The following PRKCE variants were observed in gnomAD, a reference collection of about 807,000 sequenced individuals.
PRKCE encodes protein kinase C epsilon, also known as protein kinase C epsilon type.
Under a neutral mutation model 85.4 loss-of-function variants are expected in PRKCE, and 16 were observed. The observed-to-expected ratio is 0.19, with a 90% CI of 0.13 to 0.28. The LOEUF (loss-of-function observed/expected upper bound fraction) is 0.28, where lower values mean the gene tolerates loss of function less well. Ranked by LOEUF, PRKCE falls within the 10% of genes least tolerant of loss-of-function variation. The pLI is 1.00. For missense variants in PRKCE, 573 were observed against 975.2 expected, an observed-to-expected ratio of 0.59 and a Z score of 5.49; for synonymous variants, 388 against 371.5, an observed-to-expected ratio of 1.04 and a Z score of -0.51.
At chr2:45,883,253 A>C (rs1275117128) in intron 2 of PRKCE, among the ~76,000 whole-genome samples, 1 of 152,190 alleles carries the variant, frequency 6.6e-6, no homozygotes. Context: ...TTTTGTGGAG[A>C]TTAACTGGTC....
chr2:45,812,596 G>A (rs1033688867), intron 1 of PRKCE, among the ~76,000 whole-genome samples: 1 of 152,222 alleles, frequency 6.6e-6, no homozygotes, highest in African/African-American at 2.4e-5. Flanking sequence ...TCACAAGCTT[G>A]TGATGAGGAT....
In PRKCE at chr2:46,134,970, A is replaced by G. The variant is rs751584245; in HGVS notation, c.1593-10123A>G. On this transcript the variant is annotated intron_variant, in intron 11 of 14. Coordinates refer to ENST00000306156, the MANE Select transcript of PRKCE (RefSeq NM_005400.3). ...GGTTAAAAAAAGTAATTGGATGATCATGCAATCAGATAAGCAATTCTGTAG... is the reference window on the plus strand; with the variant it reads ...GGTTAAAAAAAGTAATTGGATGATCGTGCAATCAGATAAGCAATTCTGTAG... 2.6e-5 allele frequency among the ~76,000 whole-genome samples: 4 copies of G among 152,264 alleles called. No individual in the cohort carries two copies. The South Asian group carries it at 6.2e-4, about 24-fold the overall frequency.
At chr2:45,831,838 C>G (rs917006399) in intron 1 of PRKCE, among the ~76,000 whole-genome samples, 13 of 152,088 alleles carry the variant, frequency 8.5e-5, no homozygotes, top group African/African-American at 3.1e-4. Context: ...TTTCTTAAAA[C>G]TGAACACATC....
chr2:45,858,437 T>C (rs1355269026), intron 2 of PRKCE, among the ~76,000 whole-genome samples: 2 of 152,128 alleles, frequency 1.3e-5, no homozygotes, highest in Admixed American at 6.5e-5. Flanking sequence ...TCAATCTGTC[T>C]TTTGGACTTA....
At chr2:45,856,640 G>T (rs943075540) in intron 2 of PRKCE, among the ~76,000 whole-genome samples, 2 of 152,168 alleles carry the variant, frequency 1.3e-5, no homozygotes, top group Non-Finnish European at 2.9e-5. Context: ...AATAGAACAG[G>T]AAAACTTATT....
chr2:45,687,430 T>C (rs1558557698), intron 1 of PRKCE, among the ~76,000 whole-genome samples: 1 of 152,188 alleles, frequency 6.6e-6, no homozygotes, highest in Non-Finnish European at 1.5e-5. Context: ...AAACATTTAT[T>C]GTTGAAGGTG....
At chr2:46,133,135 C>G (rs997255569) in intron 11 of PRKCE, among the ~76,000 whole-genome samples, 10 of 152,186 alleles carry the variant, frequency 6.6e-5, no homozygotes, top group Non-Finnish European at 1.3e-4. Flanking sequence ...GGTTTTCTGG[C>G]CTTCCTGTCC....
intron 11 of PRKCE, among the ~76,000 whole-genome samples, chr2:46,112,786 C>G (rs1313932229): frequency 1.3e-5 from 2 of 152,166 alleles, no homozygotes; most frequent in African/African-American, 4.8e-5. Flanking sequence ...TCCCAAAGTG[C>G]TGGGGTTACA....
Position 46,010,361 on chromosome 2 carries a change from C to G in PRKCE, c.1281C>G (p.Leu427=), listed in dbSNP as rs141253187. The change falls in exon 10 of 15, where the codon CTC becomes CTG. Residue 427 remains leucine (L), a synonymous_variant. Transcript: ENST00000306156. ...GATTGCAGGTCATGTTGGCAGAACT[C>G]AAGGGCAAAGATGAAGTATATGCTG... ...GSFGKVMLAE[L]KGKDEVYAVK... is the part of the protein sequence containing the mutation. The G allele has an allele frequency of 6.3e-7, 1 of 1,595,460 alleles. No homozygotes were observed. Among genetic ancestry groups the G allele is most frequent in the East Asian group, 2.2e-5 (1 of 44,754 alleles).
chr2:45,800,522 A>G (rs111936002), intron 1 of PRKCE, among the ~76,000 whole-genome samples: 2,355 of 152,272 alleles, frequency 0.015, 61 homozygotes, highest in African/African-American at 0.053. Context: ...GCCAATAGGC[A>G]ATGAGAGGCC....
At chr2:45,768,946 A>G (rs552356388) in intron 1 of PRKCE, among the ~76,000 whole-genome samples, 2 of 152,324 alleles carry the variant, frequency 1.3e-5, no homozygotes, top group South Asian at 4.1e-4. Context: ...ACAGATATTT[A>G]TGGATCACCT....
chr2:45,836,739 A>C (rs1009521438), intron 1 of PRKCE, among the ~76,000 whole-genome samples: 21 of 151,804 alleles, frequency 1.4e-4, no homozygotes, highest in African/African-American at 5.1e-4. Flanking sequence ...CTCACTCTCC[A>C]CCCTCCTCCA....
intron 11 of PRKCE, among the ~76,000 whole-genome samples, chr2:46,126,077 A>G (rs1673820201): frequency 6.6e-6 from 1 of 152,200 alleles, no homozygotes; most frequent in African/African-American, 2.4e-5. Context: ...CCTGGCATCC[A>G]AGCTCTGGCA....
chr2:46,088,153 T>G (rs1457458198), intron 11 of PRKCE, among the ~76,000 whole-genome samples: 2 of 152,210 alleles, frequency 1.3e-5, no homozygotes, highest in Non-Finnish European at 1.5e-5. Flanking sequence ...GGCAAAAGAT[T>G]ATGGGATTAT....
rs143297127 is a variant in PRKCE at position 46,116,046 on chromosome 2, C to G, written c.1593-29047C>G. ...TCCATAAGGTGAATGATCATTTTCCCAGTGGCTTATGGGATTTTGGAGTGT... is the reference window on the plus strand; with the variant it reads ...TCCATAAGGTGAATGATCATTTTCCGAGTGGCTTATGGGATTTTGGAGTGT... On this transcript the variant is annotated intron_variant, in intron 11 of 14. Transcript: ENST00000306156. Among the ~76,000 whole-genome samples the G allele has an allele frequency of 9.8e-5, 15 of 152,296 alleles. No homozygotes were observed. The East Asian group carries it at 2.9e-3, about 29-fold the overall frequency.
intron 1 of PRKCE, among the ~76,000 whole-genome samples, chr2:45,814,479 G>T (rs1688881414): frequency 6.6e-6 from 1 of 152,216 alleles, no homozygotes; most frequent in South Asian, 2.1e-4. Flanking sequence ...ACTGCTGGGG[G>T]CTGAGTTCAC....
intron 2 of PRKCE, among the ~76,000 whole-genome samples, chr2:45,902,559 A>C (rs948665437): frequency 2.0e-5 from 3 of 152,192 alleles, no homozygotes; most frequent in African/African-American, 7.2e-5. Context: ...TGCTGGGGAA[A>C]AGTCAGAAAT....
chr2:45,814,505 A>T (rs1242597682), intron 1 of PRKCE, among the ~76,000 whole-genome samples: 1 of 152,154 alleles, frequency 6.6e-6, no homozygotes, highest in Non-Finnish European at 1.5e-5. Flanking sequence ...CTCCAGAGGG[A>T]TTTTAGAAAT....
chr2:45,989,126 G>A (rs1645122456), intron 6 of PRKCE, among the ~76,000 whole-genome samples: 1 of 152,220 alleles, frequency 6.6e-6, no homozygotes, highest in Non-Finnish European at 1.5e-5. Context: ...TTGGGCCTGC[G>A]GGGGCCTGTG....
Sources: gnomAD v4.1 joint callset for allele counts (sites outside exome capture counted in the v4.1 genomes callset) on GRCh38, gnomAD v4.1.1 for gene constraint, MANE v1.5 for transcripts, NCBI Gene and HGNC (gene_info 2026-07-23, HGNC 2026-07-21) for gene names.